Variants in GSTM3 observed in about 807,000 individuals in gnomAD.
GSTM3 encodes glutathione S-transferase mu 3.
A neutral mutation model predicts 36.1 loss-of-function variants in GSTM3; 34 were observed. That is an observed-to-expected ratio of 0.94 (90% CI 0.72 to 1.25). GSTM3 has a LOEUF of 1.25. Ranked by LOEUF, GSTM3 falls within the 50% of genes most tolerant of loss-of-function variation. The pLI is 0.00. For missense variants in GSTM3, 266 were observed against 281.6 expected (o/e 0.94, Z 0.40); for synonymous variants, 102 against 99.5 (o/e 1.03, Z -0.15).
chr1:109,740,343 T>C lies in GSTM3; in HGVS notation c.-56A>G. 8 of 1,532,598 alleles carry C rather than the reference T, an allele frequency of 5.2e-6. No homozygotes were observed. The highest frequency in any genetic ancestry group is 6.3e-6 in the Non-Finnish European group (7 of 1,111,944). 94.9% of individuals were successfully genotyped at this position (1,532,598 alleles called of 1,614,324 possible). ...GGGAAACTGTGAGCGGGAGGGGCTT[T>C]ATACCCGACATAAGGGGGCGGGGCC... On this transcript the variant is annotated 5_prime_UTR_variant, in exon 2 of 9. It adds an upstream start codon to the 5' untranslated region. Coordinates refer to ENST00000361066, the MANE Select transcript of GSTM3 (RefSeq NM_000849.5).
At position 109,738,360 on chromosome 1, in the gene GSTM3, A is replaced by G; in HGVS notation, c.196T>C (p.Tyr66His). 1 of 1,611,790 alleles carries G rather than the reference A, an allele frequency of 6.2e-7. No individual in the cohort carries two copies. The highest frequency in any genetic ancestry group is 8.5e-7 in the Non-Finnish European group (1 of 1,177,842). ...ATCTTGTTCTTCCCATCCAGGAGGT[A>G]GGGCAGCTGAAAGGAAAAGGACAGG... ...KLDLDFPNLP[Y>H]LLDGKNKITQ... The change falls in exon 5 of 9, where the codon TAC (tyrosine) becomes CAC (histidine). Residue 66 changes from tyrosine (Y) to histidine (H), a missense_variant. Transcript: ENST00000361066.
chr1:109,737,029 G>T lies in GSTM3; in HGVS notation c.*42C>A. 2 of 1,248,552 alleles carry T rather than the reference G, an allele frequency of 1.6e-6. No individual in the cohort carries two copies. The highest frequency in any genetic ancestry group is 2.4e-5 in the South Asian group (2 of 83,378). The allele number at this position is 1,248,552 out of a possible 1,614,324, so 77.3% of individuals were successfully genotyped here. ...AAAGCAAGAGCGCTGACCCCTTACG[G>T]ACAGGATGAAACAAAACAAGCTCTG... On this transcript the variant is annotated 3_prime_UTR_variant, in exon 9 of 9. Transcript: ENST00000361066.
chr1:109,739,784 G>T lies in GSTM3; in HGVS notation c.124+49C>A, dbSNP rs753893702. 3 of 1,374,612 alleles carry T rather than the reference G, an allele frequency of 2.2e-6. No individual in the cohort carries two copies. The South Asian group carries it at 3.7e-5, about 17-fold the overall frequency. 85.2% of individuals were successfully genotyped at this position (1,374,612 alleles called of 1,614,324 possible). On this transcript the variant is annotated intron_variant, in intron 3 of 8. Transcript: ENST00000361066. ...CACCCTCTGGGCGTAAGAAGACCAG[G>T]GCAGGTGGAGGGCCAGCTTGGCTGC...
At position 109,738,312 on chromosome 1, in the gene GSTM3, G is replaced by T; in HGVS notation, c.244C>A (p.Arg82Ser). The change falls in exon 5 of 9, where the codon CGC becomes AGC. Residue 82 changes from arginine (R) to serine (S), a missense_variant. Coordinates refer to ENST00000361066, the MANE Select transcript of GSTM3 (RefSeq NM_000849.5). Reference protein sequence around the residue: ...NKITQSNAILRYIARKHNMCG... With the variant: ...NKITQSNAILSYIARKHNMCG... Reference sequence around the variant, plus strand: ...ATGTTGTGCTTGCGAGCGATGTAGCGCAAGATGGCATTGCTCTGGGTGATC... The same window carrying T: ...ATGTTGTGCTTGCGAGCGATGTAGCTCAAGATGGCATTGCTCTGGGTGATC... The T allele has an allele frequency of 6.2e-7, 1 of 1,613,964 alleles. No individual in the cohort carries two copies. Among genetic ancestry groups the T allele is most frequent in the South Asian group, 1.1e-5 (1 of 91,080 alleles).
intron 2 of GSTM3, 128 bp downstream of exon 2, chr1:109,740,111 TC>T (rs1649325737): frequency 2.1e-6 from 2 of 964,792 alleles, no homozygotes; most frequent in Non-Finnish European, 3.2e-6. Flanking sequence ...GGGGTCGACA[TC>T]CGTGGCTCGG....
Position 109,737,013 on chromosome 1 carries a change from G to A in GSTM3, c.*58C>T. On this transcript the variant is annotated 3_prime_UTR_variant, in exon 9 of 9. Transcript: ENST00000361066. ...ATTCATTGAAAAGAGCAAAGCAAGA[G>A]CGCTGACCCCTTACGGACAGGATGA... The A allele has an allele frequency of 9.6e-7, 1 of 1,037,998 alleles. No individual in the cohort carries two copies. Among genetic ancestry groups the A allele is most frequent in the South Asian group, 1.3e-5 (1 of 77,746 alleles). The allele number at this position is 1,037,998 out of a possible 1,614,324, so 64.3% of individuals were successfully genotyped here.
rs1017425167 is a variant in GSTM3 at position 109,740,455 on chromosome 1, A to G, written c.-168T>C. The G allele has an allele frequency of 8.3e-5, 52 of 625,310 alleles. No homozygotes were observed. The highest frequency in any genetic ancestry group is 1.3e-4 in the African/African-American group (7 of 53,140). 38.7% of individuals were successfully genotyped at this position (625,310 alleles called of 1,614,324 possible). A position where few individuals can be genotyped will look rare whatever the true frequency, so the allele number is the denominator to read the frequency against. On this transcript the variant is annotated 5_prime_UTR_variant, in exon 2 of 9. Coordinates refer to ENST00000361066, the MANE Select transcript of GSTM3 (RefSeq NM_000849.5). ...ACAGGGCCGTGCGCAGGCGCGACTAATGCCGGCGTTGGGGTTCAGGGCCTG... is the reference window on the plus strand; with the variant it reads ...ACAGGGCCGTGCGCAGGCGCGACTAGTGCCGGCGTTGGGGTTCAGGGCCTG...
intron 1 of GSTM3, among the ~76,000 whole-genome samples, chr1:109,740,721 G>A (rs867285088): frequency 6.6e-6 from 1 of 152,194 alleles, no homozygotes; most frequent in African/African-American, 2.4e-5. Flanking sequence ...GGGCAAGGCC[G>A]GAGAGTCAGA....
In GSTM3 at chr1:109,736,192, T is replaced by C. The variant is rs1402311019; in HGVS notation, c.*879A>G. 2 of 152,256 alleles carry C rather than the reference T, an allele frequency of 1.3e-5. No individual in the cohort carries two copies. The highest frequency in any genetic ancestry group is 6.5e-5 in the Admixed American group (1 of 15,288). The allele number at this position is 152,256 out of a possible 1,614,324, so 9.4% of individuals were successfully genotyped here. ...GACATTTTTGGCTATATTTCTATTT[T>C]ATAAATTGTTCATGGATTTTGTCCA... On this transcript the variant is annotated 3_prime_UTR_variant, in exon 9 of 9. Coordinates refer to ENST00000361066, the MANE Select transcript of GSTM3 (RefSeq NM_000849.5).
chr1:109,734,791 C>T lies in GSTM3; in HGVS notation c.*2280G>A, dbSNP rs1235268261. 1 of 152,316 alleles carries T rather than the reference C, an allele frequency of 6.6e-6. No individual in the cohort carries two copies. The highest frequency in any genetic ancestry group is 1.5e-5 in the Non-Finnish European group (1 of 68,124). The allele number at this position is 152,316 out of a possible 1,614,324, so 9.4% of individuals were successfully genotyped here. On this transcript the variant is annotated 3_prime_UTR_variant, in exon 9 of 9. Transcript: ENST00000361066. ...AGCACCTTCTGTCTGTACTATTCCT[C>T]CTGACATCACTGGGTATCCCTGCCA...
At position 109,740,297 on chromosome 1, in the gene GSTM3, C is replaced by T. The variant is rs781376145; in HGVS notation, c.-10G>A. 5.0e-6 allele frequency: 8 copies of T among 1,612,450 alleles called. No individual in the cohort carries two copies. Among genetic ancestry groups the T allele is most frequent in the African/African-American group, 4.0e-5 (3 of 74,910 alleles). ...ACGACTCGCACGACATGGTGACGGG[C>T]TTCCGAGCCTTCGAGGACTAGGGAA... On this transcript the variant is annotated 5_prime_UTR_variant, in exon 2 of 9. Transcript: ENST00000361066.
At position 109,740,434 on chromosome 1, in the gene GSTM3, G is replaced by A. The variant is rs1029469435; in HGVS notation, c.-147C>T. 29 of 690,666 alleles carry A rather than the reference G, an allele frequency of 4.2e-5. No homozygotes were observed. Among genetic ancestry groups the A allele is most frequent in the Admixed American group, 1.1e-4 (4 of 35,174 alleles). 42.8% of individuals were successfully genotyped at this position (690,666 alleles called of 1,614,324 possible). ...GTCCCTTGCCTCCGCGGCTCCACAG[G>A]GCCGTGCGCAGGCGCGACTAATGCC... On this transcript the variant is annotated 5_prime_UTR_variant, in exon 2 of 9. Coordinates refer to ENST00000361066, the MANE Select transcript of GSTM3 (RefSeq NM_000849.5).
rs56153395 is a variant in GSTM3 at position 109,740,294 on chromosome 1, G to T, written c.-7C>A. On this transcript the variant is annotated 5_prime_UTR_variant, in exon 2 of 9. Coordinates refer to ENST00000361066, the MANE Select transcript of GSTM3 (RefSeq NM_000849.5). ...TAGACGACTCGCACGACATGGTGAC[G>T]GGCTTCCGAGCCTTCGAGGACTAGG... The T allele has an allele frequency of 5.8e-5, 93 of 1,612,546 alleles. 2 individuals are homozygous for T. The Admixed American group carries it at 1.5e-3, about 26-fold the overall frequency.
chr1:109,737,415 C>T, intron 8 of GSTM3, 42 bp downstream of exon 8: 2 of 1,227,792 alleles, frequency 1.6e-6, no homozygotes, highest in Non-Finnish European at 2.4e-6. Flanking sequence ...CCCAGGGGAG[C>T]CTGTGAGTGT....
At chr1:109,739,400 T>C in intron 4 of GSTM3, 29 bp downstream of exon 4, 1 of 1,549,608 alleles carries the variant, frequency 6.5e-7, no homozygotes, top group Non-Finnish European at 8.9e-7. Context: ...CTTTCCCTTC[T>C]GCCCGCCACC....
rs1391002669 is a variant in GSTM3 at position 109,739,843 on chromosome 1, C to T, written c.114G>A (p.Thr38=). ...TDTSYEEKRY[T]CGEAPDYDRS... The stretch of plus-strand genomic sequence containing the variant: ...GCGGAGCGGCATTACCTTCCCCGCA[C>T]GTGTACCGTTTCTCCTCATAAGAGG... The change falls in exon 3 of 9, where the codon ACG becomes ACA. Residue 38 remains threonine, a synonymous_variant. Coordinates refer to ENST00000361066, the MANE Select transcript of GSTM3 (RefSeq NM_000849.5). 1.9e-6 allele frequency: 3 copies of T among 1,551,438 alleles called. No individual in the cohort carries two copies. Among genetic ancestry groups the T allele is most frequent in the Non-Finnish European group, 2.6e-6 (3 of 1,146,202 alleles).
chr1:109,738,191 C>T lies in GSTM3; in HGVS notation c.272G>A (p.Cys91Tyr). 8.1e-6 allele frequency: 13 copies of T among 1,611,144 alleles called. No homozygotes were observed. The highest frequency in any genetic ancestry group is 1.0e-5 in the Non-Finnish European group (12 of 1,177,258). Reference sequence around the variant, plus strand: ...AATCTTTTCTTCTTCAGTCTCACCACCTGTAGGCCAAATGACAACAAATCA... The same window carrying T: ...AATCTTTTCTTCTTCAGTCTCACCATCTGTAGGCCAAATGACAACAAATCA... ...LRYIARKHNM[C>Y]GETEEEKIRV... The change falls in exon 6 of 9, where the codon TGT becomes TAT. Residue 91 changes from cysteine (C) to tyrosine (Y), a missense_variant and splice_region_variant. Transcript: ENST00000361066.
intron 6 of GSTM3, 63 bp from the exon 7 acceptor site, chr1:109,737,814 C>CCAGT (rs1208436551): frequency 2.0e-6 from 2 of 995,968 alleles, no homozygotes; most frequent in Non-Finnish European, 3.1e-6. Context: ...AGGGCACAGG[C>CCAGT]CAGTGATGGA....
intron 4 of GSTM3, among the ~76,000 whole-genome samples, chr1:109,739,077 C>A (rs888597111): frequency 5.9e-5 from 9 of 152,094 alleles, no homozygotes; most frequent in African/African-American, 1.9e-4. Context: ...GCTGTGATTG[C>A]GCCACTGCAC....
Sources: gnomAD v4.1 joint callset for allele counts (sites outside exome capture counted in the v4.1 genomes callset) on GRCh38, gnomAD v4.1.1 for gene constraint, MANE v1.5 for transcripts, NCBI Gene and HGNC (gene_info 2026-07-23, HGNC 2026-07-21) for gene names.